MGAT5: variants seen among roughly 807,000 people sequenced by gnomAD.
The protein encoded by MGAT5 is alpha-1,6-mannosylglycoprotein 6-beta-N-acetylglucosaminyltransferase A.
MGAT5 carries 30 observed loss-of-function variants against 94.3 expected under a neutral mutation model. The ratio of observed to expected loss-of-function variants is 0.32; its 90% CI spans 0.24 to 0.43. The LOEUF is 0.43. Among genes scored for constraint, MGAT5 ranks in the 20% least tolerant of loss-of-function variants. MGAT5 has a pLI of 1.00. For synonymous variants in MGAT5, 310 were observed against 322.9 expected (o/e 0.96, Z 0.43); for missense variants, 691 against 905.5 (o/e 0.76, Z 3.04).
upstream of MGAT5, among the ~76,000 whole-genome samples, chr2:134,253,517 G>A (rs1196569240): frequency 6.6e-6 from 1 of 152,218 alleles, no homozygotes; most frequent in African/African-American, 2.4e-5. Flanking sequence ...TTTGCCTCAT[G>A]GTGGGAGTGA....
At chr2:134,241,172 G>A (rs975548251) in intron 1 of MGAT5, among the ~76,000 whole-genome samples, 8 of 152,238 alleles carry the variant, frequency 5.3e-5, no homozygotes, top group South Asian at 2.1e-4. Flanking sequence ...CATATAACCC[G>A]TGGGAGCAGG....
chr2:134,164,834 C>T (rs978874847), intron 1 of MGAT5, among the ~76,000 whole-genome samples: 11 of 143,640 alleles, frequency 7.7e-5, no homozygotes, highest in African/African-American at 1.5e-4. Flanking sequence ...TAGTGACACC[C>T]GTCTCAAAAA....
At chr2:134,249,561 A>G (rs901708684), upstream of MGAT5, among the ~76,000 whole-genome samples, 4 of 152,214 alleles carry the variant, frequency 2.6e-5, no homozygotes, top group African/African-American at 9.7e-5. Flanking sequence ...AGAGTCATCT[A>G]TGTGTAGCAT....
At chr2:134,396,623 G>A (rs184435487) in intron 10 of MGAT5, among the ~76,000 whole-genome samples, 14 of 152,322 alleles carry the variant, frequency 9.2e-5, no homozygotes, top group African/African-American at 3.4e-4. Context: ...GAAGCAGGTG[G>A]AAAGTGAAGG....
chr2:134,333,766 T>C (rs2105968145), intron 4 of MGAT5, among the ~76,000 whole-genome samples: 1 of 152,254 alleles, frequency 6.6e-6, no homozygotes, highest in South Asian at 2.1e-4. Context: ...ATGTTATTAA[T>C]GGTGTTCTTA....
Position 134,185,284 on chromosome 2 carries a change from A to T in MGAT5, c.-143+64993A>T, listed in dbSNP as rs142295364. Among the ~76,000 whole-genome samples the T allele has an allele frequency of 8.6e-4, 131 of 152,280 alleles. 2 individuals carry two copies. In the East Asian group the frequency reaches 0.021, roughly 24 times the overall value. On this transcript the variant is annotated intron_variant, in intron 1 of 16. Coordinates refer to the MGAT5 transcript ENST00000409645. ...CGAGGGAATTCCAGAATGCTGAAGG[A>T]TAAGAACTATGCCTTTCAATCCCCT...
At chr2:134,375,644 G>A (rs1182273644) in intron 10 of MGAT5, among the ~76,000 whole-genome samples, 2 of 152,182 alleles carry the variant, frequency 1.3e-5, no homozygotes, top group African/African-American at 4.8e-5. Flanking sequence ...TAGAGAGCTT[G>A]GAGAGCAGAA....
intron 12 of MGAT5, 96 bp downstream of exon 12, chr2:134,413,111 G>T: frequency 7.2e-7 from 1 of 1,387,142 alleles, no homozygotes. Flanking sequence ...AACATGATTG[G>T]GTGGGAGGGT....
intron 1 of MGAT5, among the ~76,000 whole-genome samples, chr2:134,137,418 A>G (rs1244503805): frequency 6.6e-6 from 1 of 152,240 alleles, no homozygotes; most frequent in Non-Finnish European, 1.5e-5. Context: ...GAGTGGAGTC[A>G]GCCCTTTTCT....
At chr2:134,403,813 T>C (rs1026213055) in intron 11 of MGAT5, among the ~76,000 whole-genome samples, 1 of 151,788 alleles carries the variant, frequency 6.6e-6, no homozygotes, top group Non-Finnish European at 1.5e-5. Context: ...GATGAGGGAA[T>C]GTGAGGGTCT....
intron 1 of MGAT5, among the ~76,000 whole-genome samples, chr2:134,220,222 G>T (rs947380151): frequency 6.6e-6 from 1 of 152,072 alleles, no homozygotes. Flanking sequence ...CTAGTTCTTC[G>T]CCAGCCTCTC....
At chr2:134,189,602 G>GTTGTTTTTTTTTTTTTTTTTTTTTTTTTT (rs1689232395) in intron 1 of MGAT5, among the ~76,000 whole-genome samples, 6 of 84,672 alleles carry the variant, frequency 7.1e-5, no homozygotes, top group African/African-American at 2.9e-4. Context: ...GTTTTTTTTT[G>GTTGTTTTTTTTTTTTTTTTTTTTTTTTTT]TTTTTTTTTT....
At position 134,189,602 on chromosome 2, in the gene MGAT5, G is replaced by GTTTTGTTTTT. The variant is rs1553490380; in HGVS notation, c.-142-64656_-142-64655insGTTTTTTTTT. Among the ~76,000 whole-genome samples, 94 of 84,642 alleles carry GTTTTGTTTTT rather than the reference G, an allele frequency of 1.1e-3. 2 individuals are homozygous for GTTTTGTTTTT. Among genetic ancestry groups the GTTTTGTTTTT allele is most frequent in the African/African-American group, 4.3e-3 (90 of 20,986 alleles). The allele number at this position is 84,642 out of a possible 152,430, so 55.5% of individuals were successfully genotyped here. On this transcript the variant is annotated intron_variant, in intron 1 of 16. Transcript: ENST00000409645. The stretch of plus-strand genomic sequence containing the variant: ...AACCTCATGGCTCTAGTTTTTTTTT[G>GTTTTGTTTTT]TTTTTTTTTTTTTTTTTTAAGACAG...
chr2:134,341,841 A>G, intron 7 of MGAT5, 82 bp downstream of exon 7: 1 of 1,262,728 alleles, frequency 7.9e-7, no homozygotes, highest in Middle Eastern at 2.4e-4. Flanking sequence ...CTATTAGTGT[A>G]TAATTTTTTG....
intron 4 of MGAT5, among the ~76,000 whole-genome samples, chr2:134,320,800 A>G (rs1687268259): frequency 1.3e-5 from 2 of 152,118 alleles, no homozygotes; most frequent in South Asian, 4.1e-4. Context: ...GCCAAACAGT[A>G]TTGCTAATAG....
In MGAT5 at chr2:134,197,817, T is replaced by C. The variant is rs116128025; in HGVS notation, c.-142-56445T>C. Among the ~76,000 whole-genome samples, 534 of 152,182 alleles carry C rather than the reference T, an allele frequency of 3.5e-3. 1 individual carries two copies. Among genetic ancestry groups the C allele is most frequent in the African/African-American group, 0.012 (490 of 41,516 alleles). ...CTTCTGGTTGCCCTGCCACCCCCAGTGTTGCTCTCCTTTGTATGCCCTGAA... is the reference window on the plus strand; with the variant it reads ...CTTCTGGTTGCCCTGCCACCCCCAGCGTTGCTCTCCTTTGTATGCCCTGAA... On this transcript the variant is annotated intron_variant, in intron 1 of 16. Transcript: ENST00000409645.
Position 134,428,372 on chromosome 2 carries a change from C to T in MGAT5, c.1802C>T (p.Pro601Leu). 1.9e-6 allele frequency: 3 copies of T among 1,613,962 alleles called. No individual in the cohort carries two copies. The highest frequency in any genetic ancestry group is 2.5e-6 in the Non-Finnish European group (3 of 1,179,896). ...CATGCTCTGTTTCCACAGATTGAGC[C>T]ATACATGCCATATGAATTTACGTGC... ...VKAILNQKIE[P>L]YMPYEFTCEG... The change falls in exon 14 of 16, where the codon CCA becomes CTA. Residue 601 changes from proline (P) to leucine (L), a missense_variant. Physicochemically the swap from Pro to Leu is moderately conservative, Grantham distance 98. Coordinates refer to ENST00000281923, the MANE Select transcript of MGAT5 (RefSeq NM_002410.5).
chr2:134,131,626 C>T (rs1431577041), intron 1 of MGAT5, among the ~76,000 whole-genome samples: 1 of 140,818 alleles, frequency 7.1e-6, no homozygotes, highest in Non-Finnish European at 1.5e-5. Flanking sequence ...TTAATGGCCT[C>T]CCTGAACTCC....
intron 1 of MGAT5, among the ~76,000 whole-genome samples, chr2:134,160,911 A>G (rs1388924086): frequency 6.6e-6 from 1 of 152,232 alleles, no homozygotes; most frequent in East Asian, 1.9e-4. Context: ...TGCCATGATC[A>G]TTAGTGTTAT....
Sources: gnomAD v4.1 joint callset for allele counts (sites outside exome capture counted in the v4.1 genomes callset) on GRCh38, gnomAD v4.1.1 for gene constraint, MANE v1.5 for transcripts, NCBI Gene and HGNC (gene_info 2026-07-23, HGNC 2026-07-21) for gene names.